Variants in CEBPZ observed in about 807,000 individuals in gnomAD.
The protein encoded by CEBPZ is CCAAT/enhancer-binding protein zeta.
A neutral mutation model predicts 104.5 loss-of-function variants in CEBPZ; 78 were observed. The observed-to-expected ratio is 0.75, with a 90% CI of 0.62 to 0.90. The LOEUF (loss-of-function observed/expected upper bound fraction) is 0.90. CEBPZ is among the 40% of genes least tolerant of loss of function. The pLI is 0.00. For missense variants in CEBPZ, 1,439 were observed against 1,233.5 expected (o/e 1.17, Z -2.50); for synonymous variants, 470 against 427.0 (o/e 1.10, Z -1.24).
At chr2:37,212,267 A>G in intron 11 of CEBPZ, 68 bp downstream of exon 11, 3 of 1,375,612 alleles carry the variant, frequency 2.2e-6, no homozygotes, top group Non-Finnish European at 3.1e-6. Context: ...TCTGTGGTCT[A>G]CTGTTCTGAG....
chr2:37,212,867 C>CAAAAAAAAA (rs749522819), intron 10 of CEBPZ, among the ~76,000 whole-genome samples: 1 of 117,250 alleles, frequency 8.5e-6, no homozygotes, highest in Non-Finnish European at 1.8e-5. Context: ...ACAACAACAA[C>CAAAAAAAAA]AAAAAAAAAA....
chr2:37,217,773 G>A (rs1055788366), intron 5 of CEBPZ, among the ~76,000 whole-genome samples: 2 of 150,924 alleles, frequency 1.3e-5, no homozygotes, highest in East Asian at 2.0e-4. Flanking sequence ...GTGGTGGCGG[G>A]TGCCTGTAGT....
intron 2 of CEBPZ, among the ~76,000 whole-genome samples, chr2:37,224,187 A>G (rs1664830519): frequency 6.6e-6 from 1 of 152,106 alleles, no homozygotes; most frequent in Non-Finnish European, 1.5e-5. Flanking sequence ...AAATACTTGA[A>G]CCTATTTAGC....
In CEBPZ at chr2:37,228,442, T is replaced by C. The variant is rs775171344; in HGVS notation, c.751A>G (p.Met251Val). The change falls in exon 2 of 16, where the codon ATG becomes GTG. Residue 251 changes from methionine to valine, a missense_variant. Physicochemically the swap from Met to Val is conservative, Grantham distance 21 (BLOSUM62 1). Transcript: ENST00000234170. ...SGTLGDRMAA[M>V]ILLIQDDAVH... ...GCATCATCCTGAATAAGAAGAATCA[T>C]GGCTGCCATCCTGTCACCTAGTGTC... 5.0e-6 allele frequency: 8 copies of C among 1,614,120 alleles called. No individual in the cohort carries two copies. The South Asian group carries it at 8.8e-5, about 18-fold the overall frequency.
intron 15 of CEBPZ, 159 bp downstream of exon 15, chr2:37,202,625 A>C: frequency 2.4e-6 from 1 of 410,660 alleles, no homozygotes; most frequent in Non-Finnish European, 4.0e-6. Flanking sequence ...AACCTGGGCA[A>C]GGGAGTGAGA....
At chr2:37,226,995 A>G (rs1664901606) in intron 2 of CEBPZ, among the ~76,000 whole-genome samples, 1 of 151,966 alleles carries the variant, frequency 6.6e-6, no homozygotes, top group African/African-American at 2.4e-5. Context: ...CCTCTCTGCC[A>G]CCTCCTCCAA....
chr2:37,201,698 A>C lies in CEBPZ; in HGVS notation c.*66T>G. On this transcript the variant is annotated 3_prime_UTR_variant, in exon 16 of 16. Coordinates refer to ENST00000234170, the MANE Select transcript of CEBPZ (RefSeq NM_005760.3). ...GTATGGAATCAGAGAGCTAGATCAAAAAACATGGTTGAACAGCAAAAATTA... is the reference window on the plus strand; with the variant it reads ...GTATGGAATCAGAGAGCTAGATCAACAAACATGGTTGAACAGCAAAAATTA... The C allele has an allele frequency of 1.0e-6, 1 of 1,003,582 alleles. No individual in the cohort carries two copies. Among genetic ancestry groups the C allele is most frequent in the Non-Finnish European group, 1.5e-6 (1 of 646,078 alleles). 62.2% of individuals were successfully genotyped at this position (1,003,582 alleles called of 1,614,324 possible). A position where few individuals can be genotyped will look rare whatever the true frequency, so the allele number is the denominator to read the frequency against.
intron 15 of CEBPZ, chr2:37,202,239 G>GT (rs763186990): frequency 0.04 from 5,720 of 142,428 alleles, 119 homozygotes; most frequent in Non-Finnish European, 0.057. Context: ...AGTCTGCAAG[G>GT]TTTTTTTTTT....
intron 13 of CEBPZ, chr2:37,210,348 A>G (rs543569033): frequency 7.2e-5 from 11 of 152,356 alleles, no homozygotes; most frequent in Admixed American, 1.3e-4. Flanking sequence ...ACAATCTGCA[A>G]TTGCAAAAAT....
Position 37,227,869 on chromosome 2 carries a change from T to C in CEBPZ, c.1324A>G (p.Ile442Val), listed in dbSNP as rs373473673. 106 of 1,614,132 alleles carry C rather than the reference T, an allele frequency of 6.6e-5. No homozygotes were observed. Among genetic ancestry groups the C allele is most frequent in the African/African-American group, 1.2e-4 (9 of 75,058 alleles). Reference sequence around the variant, plus strand: ...AGAGCCATTTGATTTAAAAAGCAAATTGCATAATATTGAGCTTTGGAGCTG... The same window carrying C: ...AGAGCCATTTGATTTAAAAAGCAAACTGCATAATATTGAGCTTTGGAGCTG... Reference protein sequence around the residue: ...NISSKAQYYAICFLNQMALSH... With the variant: ...NISSKAQYYAVCFLNQMALSH... Residue 442 changes from isoleucine (I) to valine (V), a missense_variant, in exon 2 of 16, where the codon ATT (isoleucine) becomes GTT (valine). Coordinates refer to ENST00000234170, the MANE Select transcript of CEBPZ (RefSeq NM_005760.3).
At chr2:37,213,809 G>C in intron 10 of CEBPZ, 55 bp downstream of exon 10, 1 of 1,167,412 alleles carries the variant, frequency 8.6e-7, no homozygotes, top group Non-Finnish European at 1.2e-6. Context: ...ATGTTCCATG[G>C]TCTATTAACA....
rs1677808287 is a variant in CEBPZ, at chr2:37,214,131, C to G, written c.2448-170G>C. Among the ~76,000 whole-genome samples, 4 of 152,012 alleles carry G rather than the reference C, an allele frequency of 2.6e-5. No individual in the cohort carries two copies. In the South Asian group the frequency reaches 8.3e-4, roughly 32 times the overall value. On this transcript the variant is annotated intron_variant, in intron 9 of 15. Transcript: ENST00000234170. The stretch of plus-strand genomic sequence containing the variant: ...CTAATATACAAAAAATAGTTTAACT[C>G]AATAAAAAGTAGCTGGAATCTTTTA...
rs775928829 is a variant in CEBPZ at position 37,202,954 on chromosome 2, T to A, written c.2939A>T (p.Glu980Val). ...LNDSSLFVSA[E>V]EFGHLLDENM... The stretch of plus-strand genomic sequence containing the variant: ...AAAACAGTACATTAGCCTTACCTCT[T>A]CAGCAGATACAAATAGGCTGGAATC... Residue 980 changes from glutamate to valine, a missense_variant, in exon 14 of 16, where the codon GAA becomes GTA. Transcript: ENST00000234170. 6.3e-7 allele frequency: 1 copy of A among 1,580,908 alleles called. No individual in the cohort carries two copies. The highest frequency in any genetic ancestry group is 8.6e-7 in the Non-Finnish European group (1 of 1,166,178).
Position 37,217,269 on chromosome 2 carries a change from C to T in CEBPZ, c.2155-232G>A, listed in dbSNP as rs146792391. On this transcript the variant is annotated intron_variant, in intron 5 of 15. Transcript: ENST00000234170. ...AAAATAGTCAGGGTGTGATGGTGCG[C>T]GCGTGCCTGTACTCCCAGCTACTCA... Among the ~76,000 whole-genome samples, 302 of 151,996 alleles carry T rather than the reference C, an allele frequency of 2.0e-3. 3 individuals carry two copies. The Middle Eastern group carries it at 0.024, about 12-fold the overall frequency.
chr2:37,231,277 C>G (rs1466261483), intron 1 of CEBPZ, 135 bp downstream of exon 1: 1 of 1,212,650 alleles, frequency 8.2e-7, no homozygotes, highest in South Asian at 1.3e-5. Context: ...GCGCACCGAA[C>G]ACATGCTTCA....
chr2:37,216,048 A>C, intron 8 of CEBPZ, 92 bp downstream of exon 8: 1 of 969,456 alleles, frequency 1.0e-6, no homozygotes, highest in Non-Finnish European at 1.5e-6. Context: ...CTCAGGTTTT[A>C]TTCTGATAAA....
At chr2:37,217,355 G>C (rs995216535) in intron 5 of CEBPZ, among the ~76,000 whole-genome samples, 8 of 152,002 alleles carry the variant, frequency 5.3e-5, no homozygotes, top group Admixed American at 5.2e-4. Context: ...GAGCTGACAT[G>C]GCACCACTGC....
intron 12 of CEBPZ, chr2:37,211,612 G>A: frequency 2.2e-6 from 1 of 455,380 alleles, no homozygotes; most frequent in East Asian, 3.5e-5. Context: ...CTAGCTGCTG[G>A]TTAAAGTAAA....
chr2:37,208,494 G>A lies in CEBPZ; in HGVS notation c.2884+2505C>T, dbSNP rs184835882. On this transcript the variant is annotated intron_variant, in intron 13 of 15. Transcript: ENST00000234170. ...GGGATATAGGGCTGGTTTAACATAC[G>A]CAAGTCAATAAATATGATATACCAC... Among the ~76,000 whole-genome samples, 473 of 152,128 alleles carry A rather than the reference G, an allele frequency of 3.1e-3. 2 individuals carry two copies. Among genetic ancestry groups the A allele is most frequent in the South Asian group, 8.7e-3 (42 of 4,818 alleles).
Sources: gnomAD v4.1 joint callset for allele counts (sites outside exome capture counted in the v4.1 genomes callset) on GRCh38, gnomAD v4.1.1 for gene constraint, MANE v1.5 for transcripts, NCBI Gene and HGNC (gene_info 2026-07-23, HGNC 2026-07-21) for gene names.